Variants in ZP4 observed in about 807,000 individuals in gnomAD.
ZP4 encodes zona pellucida glycoprotein 4, also known as zona pellucida sperm-binding protein 4.
ZP4 carries 62 observed loss-of-function variants against 62.3 expected under a neutral mutation model. The observed-to-expected ratio is 0.99, with a 90% confidence interval of 0.81 to 1.23. The LOEUF is 1.23. ZP4 is among the 50% of genes most tolerant of loss of function. The pLI is 0.00. For missense variants in ZP4, 774 were observed against 656.0 expected, an observed-to-expected ratio of 1.18 and a Z score of -1.97; for synonymous variants, 289 against 247.3, an observed-to-expected ratio of 1.17 and a Z score of -1.58.
At chr1:237,889,040 A>G (rs968677754) in intron 3 of ZP4, among the ~76,000 whole-genome samples, 3 of 152,164 alleles carry the variant, frequency 2.0e-5, no homozygotes, top group Admixed American at 6.5e-5. Context: ...GAGACTTTCT[A>G]AAGTTGAGTA....
At chr1:237,883,987 C>CACACACACACACAA in intron 10 of ZP4, among the ~76,000 whole-genome samples, 1 of 36,424 alleles carries the variant, frequency 2.7e-5, no homozygotes, top group Non-Finnish European at 6.8e-5. Context: ...CACACAAACA[C>CACACACACACACAA]ACACACACAC....
intron 6 of ZP4, 144 bp from the exon 7 acceptor site, chr1:237,886,030 T>C (rs913991304): frequency 2.7e-5 from 31 of 1,141,790 alleles, no homozygotes; most frequent in Non-Finnish European, 3.4e-5. Flanking sequence ...CTGGGAGCTG[T>C]ATTTTAGTTG....
intron 10 of ZP4, 40 bp downstream of exon 10, chr1:237,884,729 G>C: frequency 1.3e-6 from 2 of 1,581,644 alleles, no homozygotes; most frequent in Non-Finnish European, 1.7e-6. Flanking sequence ...TGGGACTCAA[G>C]ATTCATTCAA....
At chr1:237,885,662 C>A (rs1032824108) in intron 7 of ZP4, 82 bp from the exon 8 acceptor site, 4 of 1,592,198 alleles carry the variant, frequency 2.5e-6, no homozygotes, top group African/African-American at 2.7e-5. Context: ...TAGCCCCAAG[C>A]CCCTTAAGTG....
At chr1:237,889,568 C>T (rs935181664) in intron 3 of ZP4, among the ~76,000 whole-genome samples, 2 of 152,120 alleles carry the variant, frequency 1.3e-5, no homozygotes, top group African/African-American at 4.8e-5. Flanking sequence ...CTGCCTCAGC[C>T]TCCCAAAGTG....
chr1:237,889,315 ATTTTT>A (rs11348205), intron 3 of ZP4, among the ~76,000 whole-genome samples: 3 of 125,758 alleles, frequency 2.4e-5, no homozygotes, highest in African/African-American at 5.8e-5. Flanking sequence ...GATAGGTTGT[ATTTTT>A]TTTTTTTTTT....
chr1:237,885,595 A>G lies in ZP4; in HGVS notation c.971-15T>C. 1 of 1,611,124 alleles carries G rather than the reference A, an allele frequency of 6.2e-7. No individual in the cohort carries two copies. The highest frequency in any genetic ancestry group is 1.3e-5 in the African/African-American group (1 of 74,986). ...ATAGTTTTTATCTGCAAGAGGCAGAAATAAGGATTTGAAGTAGTAATCTCT... is the reference window on the plus strand; with the variant it reads ...ATAGTTTTTATCTGCAAGAGGCAGAGATAAGGATTTGAAGTAGTAATCTCT... On this transcript the variant is annotated splice_polypyrimidine_tract_variant and intron_variant, in intron 7 of 11. Transcript: ENST00000366570.
chr1:237,886,673 T>G (rs1665109237), intron 6 of ZP4, 98 bp downstream of exon 6: 1 of 984,426 alleles, frequency 1.0e-6, no homozygotes, highest in Non-Finnish European at 1.5e-6. Flanking sequence ...CAGACAGGTT[T>G]TCTCCTATTG....
intron 10 of ZP4, among the ~76,000 whole-genome samples, chr1:237,883,488 G>C (rs1375452842): frequency 6.6e-6 from 1 of 151,422 alleles, no homozygotes; most frequent in African/African-American, 2.4e-5. Context: ...GCCAAGGCAG[G>C]TGGATCACCT....
chr1:237,885,191 C>G lies in ZP4; in HGVS notation c.1285G>C (p.Val429Leu). 6.2e-7 allele frequency: 1 copy of G among 1,614,032 alleles called. No individual in the cohort carries two copies. Among genetic ancestry groups the G allele is most frequent in the Non-Finnish European group, 8.5e-7 (1 of 1,180,002 alleles). ...GGTCCCCTGAGGGCCTGTTTCTCCA[C>G]TGTAGGGTTCACAAAGCTGAAGGTG... Reference protein sequence around the residue: ...IFTFSFVNPTVEKQALRGPVH... With the variant: ...IFTFSFVNPTLEKQALRGPVH... Residue 429 changes from valine to leucine, a missense_variant, in exon 9 of 12, where the codon GTG (valine) becomes CTG (leucine). Transcript: ENST00000366570.
chr1:237,883,983 AAC>A (rs1173733667), intron 10 of ZP4, among the ~76,000 whole-genome samples: 57 of 42,390 alleles, frequency 1.3e-3, no homozygotes, highest in Middle Eastern at 0.014. Flanking sequence ...CACACACACA[AAC>A]ACACACACAC....
rs1206174163 is a variant in ZP4 at position 237,885,809 on chromosome 1, G to T, written c.917C>A (p.Pro306His). ...GGGTCCAGGCTGGGTCTCAGGAAAGGGTGGTGGGAGAGTGAAAACCTGGAC... is the reference window on the plus strand; with the variant it reads ...GGGTCCAGGCTGGGTCTCAGGAAAGTGTGGTGGGAGAGTGAAAACCTGGAC... ...INVQVFTLPP[P>H]FPETQPGPLT... Residue 306 changes from proline to histidine, a missense_variant, in exon 7 of 12, where the codon CCC becomes CAC. By Grantham distance (77) the Pro-to-His change is moderately conservative (BLOSUM62 -2). Transcript: ENST00000366570. The T allele has an allele frequency of 6.2e-7, 1 of 1,614,042 alleles. No homozygotes were observed. Among genetic ancestry groups the T allele is most frequent in the East Asian group, 2.2e-5 (1 of 44,884 alleles).
rs1665157025 is a variant in ZP4, at chr1:237,888,374, G to A, written c.537C>T (p.Cys179=). 1.9e-6 allele frequency: 3 copies of A among 1,585,580 alleles called. No homozygotes were observed. The highest frequency in any genetic ancestry group is 2.3e-5 in the East Asian group (1 of 44,058). Reference sequence around the variant, plus strand: ...CTTACTCACCAGTGTTTCCATAGTAGCAGGAATTCACCTCTTCAGAGCTAT... The same window carrying A: ...CTTACTCACCAGTGTTTCCATAGTAACAGGAATTCACCTCTTCAGAGCTAT... ...CCYSSEEVNS[C]YYGNTVTLHC... The change falls in exon 4 of 12, where the codon TGC becomes TGT. Residue 179 remains cysteine (C), a synonymous_variant. Transcript: ENST00000366570.
rs772939424 is a variant in ZP4 at position 237,890,656 on chromosome 1, C to G, written c.-21G>C. The G allele has an allele frequency of 6.2e-7, 1 of 1,604,316 alleles. No homozygotes were observed. The highest frequency in any genetic ancestry group is 8.5e-7 in the Non-Finnish European group (1 of 1,174,964). On this transcript the variant is annotated 5_prime_UTR_variant, in exon 1 of 12. Coordinates refer to ENST00000366570, the MANE Select transcript of ZP4 (RefSeq NM_021186.5). The stretch of plus-strand genomic sequence containing the variant: ...CACATAATGCTACCAGGAGTTCCTG[C>G]CGGCTGCAGACTCTCCGCCTCCTCT...
Position 237,885,491 on chromosome 1 carries a change from G to A in ZP4, c.1060C>T (p.His354Tyr), listed in dbSNP as rs1303923400. ...AGCCCCAGGTAGGGGTCTGTTCTGTGAAGGATGGAGACCTCCACGTAAATG... is the reference window on the plus strand; with the variant it reads ...AGCCCCAGGTAGGGGTCTGTTCTGTAAAGGATGGAGACCTCCACGTAAATG... ...DPIYVEVSILHRTDPYLGLLL... is the reference protein window; with the variant it reads ...DPIYVEVSILYRTDPYLGLLL... The change falls in exon 8 of 12, where the codon CAC becomes TAC. Residue 354 changes from histidine to tyrosine, a missense_variant. Physicochemically the swap from His to Tyr is moderately conservative, Grantham distance 83. Coordinates refer to ENST00000366570, the MANE Select transcript of ZP4 (RefSeq NM_021186.5). The A allele has an allele frequency of 6.2e-7, 1 of 1,614,168 alleles. No individual in the cohort carries two copies. The highest frequency in any genetic ancestry group is 1.7e-5 in the Admixed American group (1 of 60,016).
intron 10 of ZP4, among the ~76,000 whole-genome samples, chr1:237,883,097 T>G (rs1374747110): frequency 6.6e-6 from 1 of 152,190 alleles, no homozygotes; most frequent in African/African-American, 2.4e-5. Context: ...TTCTAAATAG[T>G]ACTTTGACAG....
At chr1:237,885,135 T>G in intron 9 of ZP4, 30 bp downstream of exon 9, 7 of 1,607,620 alleles carry the variant, frequency 4.4e-6, no homozygotes, top group Non-Finnish European at 5.9e-6. Context: ...TTCAGAGCCC[T>G]GGTGAGTGTC....
At chr1:237,884,401 T>A (rs1665045983) in intron 10 of ZP4, among the ~76,000 whole-genome samples, 1 of 152,158 alleles carries the variant, frequency 6.6e-6, no homozygotes, top group African/African-American at 2.4e-5. Context: ...GGTCCAGTCA[T>A]TCTACTTATA....
In ZP4 at chr1:237,886,683, G is replaced by A. The variant is rs758441186; in HGVS notation, c.839+88C>T. On this transcript the variant is annotated intron_variant, in intron 6 of 11. Coordinates refer to ENST00000366570, the MANE Select transcript of ZP4 (RefSeq NM_021186.5). ...GGTAGCAGACAGGTTTTCTCCTATT[G>A]CTGAGGAATGCTCATTTGTGGATTC... The A allele has an allele frequency of 2.2e-4, 241 of 1,096,822 alleles. 1 individual carries two copies. The highest frequency in any genetic ancestry group is 2.4e-4 in the Admixed American group (12 of 50,856). 67.9% of individuals were successfully genotyped at this position (1,096,822 alleles called of 1,614,324 possible). A position where few individuals can be genotyped will look rare whatever the true frequency, so the allele number is the denominator to read the frequency against.
Sources: allele counts gnomAD v4.1 joint callset (sites outside exome capture counted in the v4.1 genomes callset), GRCh38; gene constraint gnomAD v4.1.1; transcripts MANE v1.5; gene names NCBI Gene and HGNC (gene_info 2026-07-23, HGNC 2026-07-21).